EPC2: variants seen among roughly 807,000 people sequenced by gnomAD.
EPC2 encodes the protein enhancer of polycomb homolog 2.
In EPC2, 14 loss-of-function variants were observed where a neutral mutation model predicts 92.1. That is an observed-to-expected ratio of 0.15 (90% confidence interval 0.10 to 0.24). The LOEUF is 0.24. Ranked by LOEUF, EPC2 falls within the 10% of genes least tolerant of loss-of-function variation. The pLI, the probability that EPC2 is intolerant of heterozygous loss-of-function variation, is 1.00. For missense variants in EPC2, 755 were observed against 971.5 expected (o/e 0.78, Z 2.96); for synonymous variants, 340 against 334.7 (o/e 1.02, Z -0.17).
chr2:148,661,898 G>T (rs1055552772), intron 1 of EPC2, among the ~76,000 whole-genome samples: 1 of 152,014 alleles, frequency 6.6e-6, no homozygotes, highest in South Asian at 2.1e-4. Context: ...TGGTAATGAG[G>T]TGTTACTCTT....
At chr2:148,739,767 G>A (rs911307150) in intron 2 of EPC2, among the ~76,000 whole-genome samples, 5 of 146,960 alleles carry the variant, frequency 3.4e-5, no homozygotes, top group Admixed American at 2.7e-4. Flanking sequence ...TCTTCTAATA[G>A]TAGTCATGCA....
At chr2:148,738,270 T>C (rs1252849673) in intron 2 of EPC2, among the ~76,000 whole-genome samples, 1 of 152,236 alleles carries the variant, frequency 6.6e-6, no homozygotes, top group Admixed American at 6.5e-5. Flanking sequence ...AGGTACACTT[T>C]AAACCCTGGC....
intron 2 of EPC2, among the ~76,000 whole-genome samples, chr2:148,726,765 G>GTTTTTTTTTTTTT (rs201293391): frequency 6.0e-5 from 6 of 100,598 alleles, no homozygotes; most frequent in East Asian, 3.1e-4. Context: ...TTTGTTTTTT[G>GTTTTTTTTTTTTT]TTTTTTTTTT....
rs531070471 is a variant in EPC2 at position 148,683,950 on chromosome 2, T to C, written c.154-6264T>C. ...AAGGAATCTCCATACTGTTTTTCCA[T>C]AGAGGTTGTACTAGTTTACATTCCC... On this transcript the variant is annotated intron_variant, in intron 1 of 13. Transcript: ENST00000258484. Among the ~76,000 whole-genome samples, 6 of 152,344 alleles carry C rather than the reference T, an allele frequency of 3.9e-5. No individual in the cohort carries two copies. In the South Asian group the frequency reaches 1.2e-3, roughly 32 times the overall value.
chr2:148,782,342 G>T (rs558063973), intron 11 of EPC2, among the ~76,000 whole-genome samples: 27 of 152,152 alleles, frequency 1.8e-4, no homozygotes, highest in African/African-American at 6.5e-4. Flanking sequence ...TTCAAGATCA[G>T]CCTGGTCAAC....
At chr2:148,763,750 G>A (rs779478057) in intron 6 of EPC2, among the ~76,000 whole-genome samples, 2 of 152,090 alleles carry the variant, frequency 1.3e-5, no homozygotes, top group Non-Finnish European at 2.9e-5. Flanking sequence ...CTCTATAGCC[G>A]AAAAAGTTAT....
rs1020788956 is a variant in EPC2, at chr2:148,761,991, A to G, written c.815+61A>G. On this transcript the variant is annotated intron_variant, in intron 5 of 13. Transcript: ENST00000258484. ...CTTTACCAAATGATGGGCAAAATGA[A>G]CCAAAAGATTTTTAGGGGGGAACAG... is the stretch of plus-strand genomic sequence containing the variant. The G allele has an allele frequency of 1.1e-5, 16 of 1,424,940 alleles. No homozygotes were observed. The African/African-American group carries it at 2.1e-4, about 19-fold the overall frequency. 88.3% of individuals were successfully genotyped at this position (1,424,940 alleles called of 1,614,324 possible).
chr2:148,750,812 T>G (rs1158321611), intron 3 of EPC2, among the ~76,000 whole-genome samples: 1 of 152,104 alleles, frequency 6.6e-6, no homozygotes, highest in African/African-American at 2.4e-5. Context: ...GAAGCCTGCC[T>G]TTGGTAGTAT....
intron 2 of EPC2, among the ~76,000 whole-genome samples, chr2:148,716,166 A>G (rs886832721): frequency 2.6e-5 from 4 of 152,202 alleles, no homozygotes; most frequent in Non-Finnish European, 4.4e-5. Context: ...TTTTATCTGC[A>G]ACCAAAGATA....
Position 148,762,680 on chromosome 2 carries a change from G to T in EPC2, c.826G>T (p.Gly276Ter). ...TGTTACCTTTTCAAGATACCATTTG[G>T]GAGACTATGGTGGTGAAATCCTTAA... ...LEVVEKRYHL[G>*]DYGGEILNEV... The change falls in exon 6 of 14, where the codon GGA becomes TGA. Residue 276 changes from glycine (G) to a stop codon, truncating the protein, a stop_gained. Transcript: ENST00000258484. LOFTEE classifies it high-confidence loss of function. 6.3e-7 allele frequency: 1 copy of T among 1,596,006 alleles called. No individual in the cohort carries two copies. The highest frequency in any genetic ancestry group is 8.5e-7 in the Non-Finnish European group (1 of 1,171,526).
chr2:148,754,609 C>T (rs1420682863), intron 4 of EPC2, among the ~76,000 whole-genome samples: 4 of 152,056 alleles, frequency 2.6e-5, no homozygotes, highest in African/African-American at 9.7e-5. Context: ...GTAGTTCTTC[C>T]AAGTGAAAAT....
chr2:148,645,340 C>T (rs1041215666), intron 1 of EPC2, 170 bp downstream of exon 1: 11 of 566,336 alleles, frequency 1.9e-5, no homozygotes, highest in African/African-American at 1.4e-4. Context: ...GCCGGCGTAG[C>T]GCCCGCCCGC....
At chr2:148,740,666 G>A (rs569395363) in intron 2 of EPC2, among the ~76,000 whole-genome samples, 2 of 152,226 alleles carry the variant, frequency 1.3e-5, no homozygotes, top group African/African-American at 2.4e-5. Flanking sequence ...GTAAGATTAG[G>A]TAGGTGTATA....
At chr2:148,765,666 C>A (rs919032565) in intron 7 of EPC2, among the ~76,000 whole-genome samples, 1 of 152,168 alleles carries the variant, frequency 6.6e-6, no homozygotes. Flanking sequence ...AATATTGCAA[C>A]AGCTTTATAG....
Position 148,761,728 on chromosome 2 carries a change from C to T in EPC2, c.667-54C>T, listed in dbSNP as rs566315586. ...CTGATAAGAGTTTATTGAATAAAGC[C>T]GGAAATGTAGATAACTGTGTTGTTT... On this transcript the variant is annotated intron_variant, in intron 4 of 13. Transcript: ENST00000258484. 6.4e-6 allele frequency: 8 copies of T among 1,251,780 alleles called. No homozygotes were observed. The Middle Eastern group carries it at 8.4e-4, about 131-fold the overall frequency. The allele number at this position is 1,251,780 out of a possible 1,614,324, so 77.5% of individuals were successfully genotyped here. A position where few individuals can be genotyped will look rare whatever the true frequency, so the allele number is the denominator to read the frequency against.
intron 7 of EPC2, among the ~76,000 whole-genome samples, chr2:148,767,544 A>G (rs763658820): frequency 6.6e-6 from 1 of 152,222 alleles, no homozygotes; most frequent in East Asian, 1.9e-4. Context: ...TGAGGCAGCT[A>G]TTCAGAGTGT....
intron 2 of EPC2, among the ~76,000 whole-genome samples, chr2:148,739,833 C>CTTTTT (rs144868417): frequency 5.6e-3 from 455 of 81,302 alleles, no homozygotes; most frequent in South Asian, 9.0e-3. Context: ...TCTTCTTCTT[C>CTTTTT]TTTTTTTTTT....
intron 2 of EPC2, among the ~76,000 whole-genome samples, chr2:148,702,417 G>A (rs1302041677): frequency 3.3e-5 from 5 of 152,084 alleles, no homozygotes; most frequent in Non-Finnish European, 7.3e-5. Context: ...CTTAGAAATT[G>A]TTCAGTGTAA....
At chr2:148,742,973 A>G (rs1682907561) in intron 2 of EPC2, among the ~76,000 whole-genome samples, 1 of 152,104 alleles carries the variant, frequency 6.6e-6, no homozygotes, top group Non-Finnish European at 1.5e-5. Context: ...AAGTTTTCTA[A>G]GTAGAAATTT....
Sources: allele counts gnomAD v4.1 joint callset (sites outside exome capture counted in the v4.1 genomes callset), GRCh38; gene constraint gnomAD v4.1.1; transcripts MANE v1.5; gene names NCBI Gene and HGNC (gene_info 2026-07-23, HGNC 2026-07-21).